Variants in FGF14 observed in about 807,000 individuals in gnomAD.
FGF14 encodes fibroblast growth factor homologous factor 4.
Under a neutral mutation model 25.5 loss-of-function variants are expected in FGF14, and 5 were observed. That is an observed-to-expected ratio of 0.20 (90% CI 0.10 to 0.41). The LOEUF (loss-of-function observed/expected upper bound fraction) is 0.41, where lower values mean the gene tolerates loss of function less well. FGF14 is among the 10% of genes least tolerant of loss of function. The probability of loss-of-function intolerance (pLI) is 1.00; values close to 1 mark genes in which losing one functional copy is unlikely to be tolerated. For synonymous variants in FGF14, 138 were observed against 118.3 expected, an observed-to-expected ratio of 1.17 and a Z score of -1.08; for missense variants, 222 against 320.1, an observed-to-expected ratio of 0.69 and a Z score of 2.34.
At chr13:102,078,513 A>T (rs2043468297) in intron 1 of FGF14, among the ~76,000 whole-genome samples, 1 of 152,226 alleles carries the variant, frequency 6.6e-6, no homozygotes, top group Non-Finnish European at 1.5e-5. Flanking sequence ...AATACTATGA[A>T]TATGTGCAAT....
Position 102,355,725 on chromosome 13 carries a change from G to A in FGF14, c.208+45746C>T, listed in dbSNP as rs150059689. 7.2e-5 allele frequency among the ~76,000 whole-genome samples: 11 copies of A among 151,810 alleles called. No homozygotes were observed. In the South Asian group the frequency reaches 8.4e-4, roughly 12 times the overall value. On this transcript the variant is annotated intron_variant, in intron 1 of 4. Transcript: ENST00000376131. ...TATTAATAACAGTATAGTCTCCACCGTAGTTTGTGTCTTCATACTCTGAAA... is the reference window on the plus strand; with the variant it reads ...TATTAATAACAGTATAGTCTCCACCATAGTTTGTGTCTTCATACTCTGAAA...
intron 1 of FGF14, among the ~76,000 whole-genome samples, chr13:101,951,303 G>A (rs1244889775): frequency 6.6e-6 from 1 of 152,102 alleles, no homozygotes; most frequent in Non-Finnish European, 1.5e-5. Flanking sequence ...AGCAATACGG[G>A]CACAAGTTCA....
At chr13:101,741,634 T>TAAA (rs11299686) in intron 3 of FGF14, among the ~76,000 whole-genome samples, 2 of 143,832 alleles carry the variant, frequency 1.4e-5, no homozygotes, top group African/African-American at 2.6e-5. Context: ...TTTATTACAG[T>TAAA]AAAAAAAAAA....
At chr13:102,263,520 T>C (rs1566877339) in intron 1 of FGF14, among the ~76,000 whole-genome samples, 1 of 152,144 alleles carries the variant, frequency 6.6e-6, no homozygotes, top group Non-Finnish European at 1.5e-5. Flanking sequence ...TATGAAGTAA[T>C]TCAATACCAA....
chr13:101,809,252 T>G (rs2041365199), intron 3 of FGF14, among the ~76,000 whole-genome samples: 3 of 152,108 alleles, frequency 2.0e-5, no homozygotes, highest in Non-Finnish European at 2.9e-5. Flanking sequence ...GAAAAAGAAC[T>G]TAACTTGGAT....
rs185321879 is a variant in FGF14 at position 101,938,705 on chromosome 13, C to T, written c.209-63409G>A. Among the ~76,000 whole-genome samples, 763 of 152,220 alleles carry T rather than the reference C, an allele frequency of 5.0e-3. 18 individuals are homozygous for T. The highest frequency in any genetic ancestry group is 0.04 in the Admixed American group (614 of 15,280). On this transcript the variant is annotated intron_variant, in intron 1 of 4. Transcript: ENST00000376131. ...TAATTGTTATCCTCAGCCTAGATATCGGGTGTATGTCTCTCCCTCACCACT... is the reference window on the plus strand; with the variant it reads ...TAATTGTTATCCTCAGCCTAGATATTGGGTGTATGTCTCTCCCTCACCACT...
chr13:102,237,167 C>G lies in FGF14; in HGVS notation c.208+164304G>C, dbSNP rs529762544. Reference sequence around the variant, plus strand: ...CCACAAGGAAGACTTTCTGATAGAGCGTTATCTCAACACTCCCACTCACCT... The same window carrying G: ...CCACAAGGAAGACTTTCTGATAGAGGGTTATCTCAACACTCCCACTCACCT... On this transcript the variant is annotated intron_variant, in intron 1 of 4. Transcript: ENST00000376131. Among the ~76,000 whole-genome samples the G allele has an allele frequency of 5.3e-5, 8 of 152,346 alleles. No homozygotes were observed. The East Asian group carries it at 1.5e-3, about 29-fold the overall frequency.
chr13:102,161,180 A>G (rs914428394), intron 1 of FGF14, among the ~76,000 whole-genome samples: 5 of 152,202 alleles, frequency 3.3e-5, no homozygotes, highest in Non-Finnish European at 5.9e-5. Context: ...TCAGGTACTA[A>G]GTAAACATCT....
chr13:101,942,305 C>T (rs771556629), intron 1 of FGF14, among the ~76,000 whole-genome samples: 6 of 152,106 alleles, frequency 3.9e-5, no homozygotes, highest in Non-Finnish European at 8.8e-5. Context: ...GAAATGCCTT[C>T]TCCTTATTCC....
chr13:102,159,742 C>T (rs1413190477), intron 1 of FGF14, among the ~76,000 whole-genome samples: 1 of 152,204 alleles, frequency 6.6e-6, no homozygotes, highest in Non-Finnish European at 1.5e-5. Context: ...CAAATTACAA[C>T]ATACAGTTAG....
chr13:102,165,720 C>T (rs1201567685), intron 1 of FGF14, among the ~76,000 whole-genome samples: 7 of 148,280 alleles, frequency 4.7e-5, no homozygotes, highest in South Asian at 2.2e-4. Context: ...TGCTAAATGA[C>T]GAGTTAATGG....
chr13:102,148,938 T>C (rs1295476081), intron 1 of FGF14, among the ~76,000 whole-genome samples: 5 of 152,218 alleles, frequency 3.3e-5, no homozygotes, highest in African/African-American at 7.2e-5. Flanking sequence ...GAATATACAA[T>C]GTGTGCTGCA....
chr13:102,099,579 T>C (rs2044563875), intron 1 of FGF14, among the ~76,000 whole-genome samples: 1 of 151,938 alleles, frequency 6.6e-6, no homozygotes, highest in Non-Finnish European at 1.5e-5. Context: ...TTTTTTTCAG[T>C]TCAAAAAAGG....
At chr13:101,902,150 T>C (rs939837297) in intron 1 of FGF14, among the ~76,000 whole-genome samples, 1 of 152,192 alleles carries the variant, frequency 6.6e-6, no homozygotes, top group Non-Finnish European at 1.5e-5. Context: ...AAGAGGACCA[T>C]ATACTTAGAG....
At chr13:102,116,129 A>G (rs2045460507) in intron 1 of FGF14, among the ~76,000 whole-genome samples, 1 of 152,174 alleles carries the variant, frequency 6.6e-6, no homozygotes, top group African/African-American at 2.4e-5. Flanking sequence ...AAACAAACAA[A>G]CAAACAGAAT....
At chr13:102,241,491 A>G (rs537801083) in intron 1 of FGF14, among the ~76,000 whole-genome samples, 2 of 152,268 alleles carry the variant, frequency 1.3e-5, no homozygotes, top group East Asian at 3.9e-4. Context: ...CAATAAAGTT[A>G]TAAGATGAAG....
intron 3 of FGF14, among the ~76,000 whole-genome samples, chr13:101,857,014 T>A (rs1004128153): frequency 1.3e-5 from 2 of 151,992 alleles, no homozygotes; most frequent in Non-Finnish European, 1.5e-5. Flanking sequence ...CGGGGAGTCA[T>A]TAAGTATCAA....
intron 1 of FGF14, among the ~76,000 whole-genome samples, chr13:101,953,745 C>A (rs544360747): frequency 1.3e-4 from 19 of 151,882 alleles, no homozygotes; most frequent in African/African-American, 3.6e-4. Flanking sequence ...CACGTGCCAA[C>A]ACGGCTGGCT....
In FGF14 at chr13:101,720,345, T is replaced by C. The variant is rs1273368531; in HGVS notation, c.*2486A>G. ...AGAAGAAAGTATTTGACATCCTTCA[T>C]AGGGATAAATGCCCTTATAGACACC... On this transcript the variant is annotated 3_prime_UTR_variant, in exon 5 of 5. Coordinates refer to ENST00000376143, the MANE Select transcript of FGF14 (RefSeq NM_004115.4). 1 of 152,130 alleles carries C rather than the reference T, an allele frequency of 6.6e-6. No homozygotes were observed. The highest frequency in any genetic ancestry group is 1.5e-5 in the Non-Finnish European group (1 of 68,004). The allele number at this position is 152,130 out of a possible 1,614,324, so 9.4% of individuals were successfully genotyped here.
Sources: gnomAD v4.1 joint callset for allele counts (sites outside exome capture counted in the v4.1 genomes callset) on GRCh38, gnomAD v4.1.1 for gene constraint, MANE v1.5 for transcripts, NCBI Gene and HGNC (gene_info 2026-07-23, HGNC 2026-07-21) for gene names.